ABL2: variants seen among roughly 807,000 people sequenced by gnomAD.
ABL2 encodes the protein tyrosine-protein kinase ABL2.
Under a neutral mutation model 107.7 loss-of-function variants are expected in ABL2, and 49 were observed. That is an observed-to-expected ratio of 0.45 (90% CI 0.36 to 0.58). ABL2 has a LOEUF of 0.58. Among genes scored for constraint, ABL2 ranks in the 20% least tolerant of loss-of-function variants. ABL2 has a pLI of 0.00. For synonymous variants in ABL2, 549 were observed against 548.6 expected, an observed-to-expected ratio of 1.00 and a Z score of -0.01; for missense variants, 1,245 against 1,457.0, an observed-to-expected ratio of 0.85 and a Z score of 2.37.
In ABL2 at chr1:179,152,812, G is replaced by A. The variant is rs1201577435; in HGVS notation, c.158-19438C>T. On this transcript the variant is annotated intron_variant, in intron 1 of 11. Coordinates refer to ENST00000502732, the MANE Select transcript of ABL2 (RefSeq NM_007314.4). ...GCAGAAAACTAAAGTGAGATGATAA[G>A]GGCCTGGCCACAGAATGGAGAACAG... 5.9e-5 allele frequency among the ~76,000 whole-genome samples: 9 copies of A among 152,136 alleles called. 1 individual carries two copies. The highest frequency in any genetic ancestry group is 2.2e-4 in the African/African-American group (9 of 41,438).
At chr1:179,194,108 ATCT>A (rs1286613793) in intron 1 of ABL2, among the ~76,000 whole-genome samples, 1 of 152,220 alleles carries the variant, frequency 6.6e-6, no homozygotes, top group Non-Finnish European at 1.5e-5. Flanking sequence ...TCACCTAAAT[ATCT>A]TTTTTCCCAT....
chr1:179,204,619 T>C (rs1300841790), intron 1 of ABL2, among the ~76,000 whole-genome samples: 2 of 151,886 alleles, frequency 1.3e-5, no homozygotes, highest in African/African-American at 4.8e-5. Context: ...TGGTGGCGCA[T>C]GCCTGTAATC....
intron 1 of ABL2, among the ~76,000 whole-genome samples, chr1:179,178,201 C>G (rs1157245164): frequency 2.6e-5 from 4 of 151,382 alleles, no homozygotes; most frequent in African/African-American, 9.7e-5. Flanking sequence ...AGTTCCAGAC[C>G]AGCCTGGTCA....
Position 179,109,202 on chromosome 1 carries a change from A to C in ABL2, c.2065T>G (p.Phe689Val). 1 of 1,614,040 alleles carries C rather than the reference A, an allele frequency of 6.2e-7. No individual in the cohort carries two copies. The highest frequency in any genetic ancestry group is 1.1e-5 in the South Asian group (1 of 91,058). ...PHKKYELTGN[F>V]SSVASLQHAD... ...TGCTGTAGAGAAGCAACAGATGAGA[A>C]GTTACCCGTGAGTTCGTATTTCTTA... is the stretch of plus-strand genomic sequence containing the variant. The change falls in exon 12 of 12, where the codon TTC (phenylalanine) becomes GTC (valine). Residue 689 changes from phenylalanine (F) to valine (V), a missense_variant. Phe to Val is a conservative substitution (Grantham distance 50). Transcript: ENST00000502732.
intron 1 of ABL2, among the ~76,000 whole-genome samples, chr1:179,179,921 C>T (rs929495167): frequency 1.3e-5 from 2 of 148,712 alleles, no homozygotes; most frequent in African/African-American, 5.0e-5. Context: ...CACAACATGG[C>T]GAAACCCTGT....
At chr1:179,130,724 TTTTG>T (rs1656216487) in intron 3 of ABL2, among the ~76,000 whole-genome samples, 1 of 115,934 alleles carries the variant, frequency 8.6e-6, no homozygotes, top group African/African-American at 4.1e-5. Flanking sequence ...TCATTATTGA[TTTTG>T]TGTGTGTGTG....
At chr1:179,124,376 C>G (rs1374509155) in intron 4 of ABL2, among the ~76,000 whole-genome samples, 1 of 151,854 alleles carries the variant, frequency 6.6e-6, no homozygotes, top group African/African-American at 2.4e-5. Flanking sequence ...ATGATCAGCA[C>G]CCCAGAAGCC....
intron 1 of ABL2, among the ~76,000 whole-genome samples, chr1:179,191,226 A>G (rs1660991232): frequency 6.6e-6 from 1 of 152,204 alleles, no homozygotes; most frequent in Admixed American, 6.5e-5. Context: ...ACTACATCAC[A>G]AAGGGTAAGG....
chr1:179,224,134 CAAAAA>C (rs1181284107), intron 1 of ABL2, among the ~76,000 whole-genome samples: 2 of 34,518 alleles, frequency 5.8e-5, no homozygotes, highest in Non-Finnish European at 9.2e-5. Context: ...CTACTCACTA[CAAAAA>C]AAAAAAAAAA....
chr1:179,171,666 GCA>G (rs1433101597), intron 1 of ABL2, among the ~76,000 whole-genome samples: 1 of 152,086 alleles, frequency 6.6e-6, no homozygotes, highest in Non-Finnish European at 1.5e-5. Context: ...GGGACTATAG[GCA>G]CTTGCCACCA....
rs16853672 is a variant in ABL2 at position 179,103,940 on chromosome 1, C to T, written c.*3778G>A. The T allele has an allele frequency of 3.7e-3, 861 of 233,256 alleles. 5 individuals carry two copies. Among genetic ancestry groups the T allele is most frequent in the African/African-American group, 0.017 (762 of 45,428 alleles). 14.4% of individuals were successfully genotyped at this position (233,256 alleles called of 1,614,324 possible). A position where few individuals can be genotyped will look rare whatever the true frequency, so the allele number is the denominator to read the frequency against. On this transcript the variant is annotated 3_prime_UTR_variant, in exon 12 of 12. Coordinates refer to ENST00000502732, the MANE Select transcript of ABL2 (RefSeq NM_007314.4). Reference sequence around the variant, plus strand: ...GGGTACTGATAGTTTTCAGATAGCACTGGGTGTTTCAAACACCTGGCGAGA... The same window carrying T: ...GGGTACTGATAGTTTTCAGATAGCATTGGGTGTTTCAAACACCTGGCGAGA...
chr1:179,188,805 G>A (rs892749060), intron 1 of ABL2, among the ~76,000 whole-genome samples: 2 of 152,074 alleles, frequency 1.3e-5, no homozygotes, highest in Non-Finnish European at 2.9e-5. Flanking sequence ...TAGAATCCAT[G>A]TTATCAACTT....
At chr1:179,173,625 C>G (rs1571247596) in intron 1 of ABL2, among the ~76,000 whole-genome samples, 1 of 152,060 alleles carries the variant, frequency 6.6e-6, no homozygotes, top group Admixed American at 6.5e-5. Flanking sequence ...GCTGGGATTA[C>G]AAGTGAGAGC....
In ABL2 at chr1:179,107,746, T is replaced by C. The variant is rs1450272917; in HGVS notation, c.3521A>G (p.Gln1174Arg). The change falls in exon 12 of 12, where the codon CAG (glutamine) becomes CGG (arginine). Residue 1174 changes from glutamine to arginine, a missense_variant. This residue lies in a region of ABL2 where 761 missense variants were observed against 766.4 expected (regional missense o/e 0.99). Coordinates refer to ENST00000502732, the MANE Select transcript of ABL2 (RefSeq NM_007314.4). ...PVLNNLLSCV[Q>R]EISDVVQR ...CCTCTGCACCACATCACTGATTTCC[T>C]GTACACATGACAATAAGTTATTAAG... 2 of 1,613,316 alleles carry C rather than the reference T, an allele frequency of 1.2e-6. No individual in the cohort carries two copies. Among genetic ancestry groups the C allele is most frequent in the South Asian group, 1.1e-5 (1 of 90,962 alleles).
At chr1:179,124,614 G>A (rs535592874) in intron 4 of ABL2, among the ~76,000 whole-genome samples, 62 of 151,800 alleles carry the variant, frequency 4.1e-4, no homozygotes, top group South Asian at 3.1e-3. Flanking sequence ...GATTACAGTC[G>A]CGTGCCACCA....
chr1:179,105,879 G>T lies in ABL2; in HGVS notation c.*1839C>A. 4.5e-6 allele frequency: 1 copy of T among 224,494 alleles called. No homozygotes were observed. Among genetic ancestry groups the T allele is most frequent in the Non-Finnish European group, 8.9e-6 (1 of 112,712 alleles). The allele number at this position is 224,494 out of a possible 1,614,324, so 13.9% of individuals were successfully genotyped here. ...TTTTCTACTCAGCAAATAAGATAAT[G>T]GAAAACAATTCAGCATAACAACACT... On this transcript the variant is annotated 3_prime_UTR_variant, in exon 12 of 12. Transcript: ENST00000502732.
At chr1:179,200,767 G>A (rs368366181) in intron 1 of ABL2, among the ~76,000 whole-genome samples, 6 of 152,172 alleles carry the variant, frequency 3.9e-5, no homozygotes, top group Non-Finnish European at 8.8e-5. Context: ...ACTCATGGCC[G>A]TGCTTTATCA....
chr1:179,219,183 C>T (rs1158375634), intron 1 of ABL2, among the ~76,000 whole-genome samples: 1 of 152,208 alleles, frequency 6.6e-6, no homozygotes, highest in Non-Finnish European at 1.5e-5. Flanking sequence ...GCTGGGACTA[C>T]ATGTGTGCAC....
At chr1:179,112,422 T>C (rs999408291) in intron 9 of ABL2, 24 bp from the exon 10 acceptor site, 17 of 1,582,458 alleles carry the variant, frequency 1.1e-5, no homozygotes, top group Non-Finnish European at 1.3e-5. Context: ...GAAAAAATAT[T>C]AAAAACTCCT....
Sources: allele counts gnomAD v4.1 joint callset (sites outside exome capture counted in the v4.1 genomes callset), GRCh38; gene constraint gnomAD v4.1.1; regional missense constraint gnomAD v4.1.1; transcripts MANE v1.5; gene names NCBI Gene and HGNC (gene_info 2026-07-23, HGNC 2026-07-21).